The following CDK2AP1 variants were observed in gnomAD, a reference collection of about 807,000 sequenced individuals.
CDK2AP1 encodes the protein cyclin-dependent kinase 2-associated protein 1.
A neutral mutation model predicts 14.1 loss-of-function variants in CDK2AP1; 10 were observed. The ratio of observed to expected loss-of-function variants is 0.71; its 90% CI spans 0.44 to 1.20. The LOEUF (loss-of-function observed/expected upper bound fraction) is 1.20, where lower values mean the gene tolerates loss of function less well. Among genes scored for constraint, CDK2AP1 ranks in the 50% most tolerant of loss-of-function variants. The pLI is 0.00. For missense variants in CDK2AP1, 102 were observed against 149.9 expected, an observed-to-expected ratio of 0.68 and a Z score of 1.67; for synonymous variants, 59 against 59.8, an observed-to-expected ratio of 0.99 and a Z score of 0.06.
At chr12:123,271,529 C>T (rs1168588725) in intron 1 of CDK2AP1, 35 bp downstream of exon 1, 2 of 992,558 alleles carry the variant, frequency 2.0e-6, no homozygotes, top group African/African-American at 3.5e-5. Context: ...CCCAACTTGG[C>T]GGCGCTTGGG....
Position 123,261,634 on chromosome 12 carries a change from C to A in CDK2AP1, c.*102G>T. 1 of 979,274 alleles carries A rather than the reference C, an allele frequency of 1.0e-6. No individual in the cohort carries two copies. The highest frequency in any genetic ancestry group is 1.6e-6 in the Non-Finnish European group (1 of 618,528). 60.7% of individuals were successfully genotyped at this position (979,274 alleles called of 1,614,324 possible). ...GTGAACCATGGGAGGAAAAACGAAACTGTAACCATTTTGAAAACAAGGGTT... is the reference window on the plus strand; with the variant it reads ...GTGAACCATGGGAGGAAAAACGAAAATGTAACCATTTTGAAAACAAGGGTT... On this transcript the variant is annotated 3_prime_UTR_variant, in exon 4 of 4. Coordinates refer to ENST00000261692, the MANE Select transcript of CDK2AP1 (RefSeq NM_004642.4).
Position 123,271,808 on chromosome 12 carries a change from G to T in CDK2AP1, c.-190C>A, listed in dbSNP as rs934772982. The stretch of plus-strand genomic sequence containing the variant: ...TGGCCGTCCGCGCCCTGCCGCCGCC[G>T]CAGTCTCACCCAGGCCCCGGGTGCG... On this transcript the variant is annotated 5_prime_UTR_variant, in exon 1 of 4. Coordinates refer to ENST00000261692, the MANE Select transcript of CDK2AP1 (RefSeq NM_004642.4). The T allele has an allele frequency of 6.8e-6, 1 of 147,034 alleles. No individual in the cohort carries two copies. Among genetic ancestry groups the T allele is most frequent in the African/African-American group, 2.4e-5 (1 of 40,842 alleles). The allele number at this position is 147,034 out of a possible 1,614,324, so 9.1% of individuals were successfully genotyped here.
In CDK2AP1 at chr12:123,265,764, A is replaced by T. The variant is rs1436226579; in HGVS notation, c.154-442T>A. Among the ~76,000 whole-genome samples the T allele has an allele frequency of 6.6e-6, 1 of 152,140 alleles. No homozygotes were observed. The highest frequency in any genetic ancestry group is 2.1e-4 in the South Asian group (1 of 4,826). On this transcript the variant is annotated intron_variant, in intron 2 of 3. Transcript: ENST00000261692. The surrounding 1 kb of genome is among the most constrained non-coding windows in gnomAD (Gnocchi z 5.3). ...GCAACTTTATTATCTCCAATGAACA[A>T]AACAGGGGAAACAGCTCATTTTGGC...
chr12:123,267,808 C>T (rs1022725552), intron 1 of CDK2AP1: 1 of 156,548 alleles, frequency 6.4e-6, no homozygotes, highest in African/African-American at 2.4e-5. Context: ...GCACGCTGGA[C>T]ATCAAATCAG....
chr12:123,266,156 C>A (rs143716390), intron 2 of CDK2AP1, among the ~76,000 whole-genome samples: 2 of 152,220 alleles, frequency 1.3e-5, no homozygotes, highest in East Asian at 1.9e-4. Flanking sequence ...TTGCCTCCCC[C>A]CTCCTCCACC....
At position 123,267,299 on chromosome 12, in the gene CDK2AP1, G is replaced by GA. The variant is rs754358425; in HGVS notation, c.56-18dup. The GA allele has an allele frequency of 6.6e-7, 1 of 1,509,406 alleles. No homozygotes were observed. The highest frequency in any genetic ancestry group is 1.7e-5 in the Admixed American group (1 of 59,844). 93.5% of individuals were successfully genotyped at this position (1,509,406 alleles called of 1,614,324 possible). On this transcript the variant is annotated splice_polypyrimidine_tract_variant and intron_variant, in intron 1 of 3. Coordinates refer to ENST00000261692, the MANE Select transcript of CDK2AP1 (RefSeq NM_004642.4). The stretch of plus-strand genomic sequence containing the variant: ...CACTCCCAGCTGTGGGGTGGGGAGA[G>GA]AGAGGCCAGGAGTCAGCTCAGCCAG...
intron 2 of CDK2AP1, among the ~76,000 whole-genome samples, chr12:123,266,648 G>C (rs562509646): frequency 6.6e-6 from 1 of 152,332 alleles, no homozygotes; most frequent in South Asian, 2.1e-4. Context: ...AGGAGCCCGG[G>C]TCTTGGGCAG....
At chr12:123,262,968 CT>C (rs1218284247) in intron 3 of CDK2AP1, among the ~76,000 whole-genome samples, 1 of 151,942 alleles carries the variant, frequency 6.6e-6, no homozygotes, top group African/African-American at 2.4e-5. Flanking sequence ...AATCCCAGCA[CT>C]TTCGGAGGCC....
intron 1 of CDK2AP1, among the ~76,000 whole-genome samples, chr12:123,269,695 G>T (rs2048335915): frequency 1.3e-5 from 2 of 152,224 alleles, no homozygotes; most frequent in Admixed American, 1.3e-4. Flanking sequence ...GGGCGGGGGA[G>T]GCGGGGGCTT....
chr12:123,270,818 T>C lies in CDK2AP1; in HGVS notation c.55+746A>G, dbSNP rs1486115228. 6.1e-6 allele frequency: 6 copies of C among 984,524 alleles called. No individual in the cohort carries two copies. In the South Asian group the frequency reaches 2.4e-4, roughly 39 times the overall value. The allele number at this position is 984,524 out of a possible 1,614,324, so 61.0% of individuals were successfully genotyped here. On this transcript the variant is annotated intron_variant, in intron 1 of 3. Transcript: ENST00000261692. Reference sequence around the variant, plus strand: ...CAGATGGGGCGTCCACGTGACCCACTGCCCCCACGCCCGCGCGCGGGCCCC... The same window carrying C: ...CAGATGGGGCGTCCACGTGACCCACCGCCCCCACGCCCGCGCGCGGGCCCC...
chr12:123,267,230 G>A lies in CDK2AP1; in HGVS notation c.108C>T (p.Arg36=). The A allele has an allele frequency of 6.2e-7, 1 of 1,613,494 alleles. No individual in the cohort carries two copies. Among genetic ancestry groups the A allele is most frequent in the South Asian group, 1.1e-5 (1 of 91,070 alleles). ...GTGGCCCGTAGTCACTGAGCAGCTG[G>A]CGGTACTGTGAAGACGTTGCCATGC... ...STSMATSSQY[R]QLLSDYGPPS... Residue 36 remains arginine (R), a synonymous_variant, in exon 2 of 4, where the codon CGC becomes CGT. Coordinates refer to ENST00000261692, the MANE Select transcript of CDK2AP1 (RefSeq NM_004642.4).
At chr12:123,270,822 C>T (rs1231789424) in intron 1 of CDK2AP1, 2 of 985,190 alleles carry the variant, frequency 2.0e-6, no homozygotes, top group East Asian at 2.3e-4. Context: ...ACCCACTGCC[C>T]CCACGCCCGC....
Position 123,264,462 on chromosome 12 carries a change from C to CAAA in CDK2AP1, c.280+731_280+733dup, listed in dbSNP as rs1167157405. 9.9e-3 allele frequency among the ~76,000 whole-genome samples: 688 copies of CAAA among 69,782 alleles called. 20 individuals carry two copies. The highest frequency in any genetic ancestry group is 0.022 in the African/African-American group (300 of 13,870). The allele number at this position is 69,782 out of a possible 152,430, so 45.8% of individuals were successfully genotyped here. A position where few individuals can be genotyped will look rare whatever the true frequency, so the allele number is the denominator to read the frequency against. On this transcript the variant is annotated intron_variant, in intron 3 of 3. Transcript: ENST00000261692. Reference sequence around the variant, plus strand: ...GCAACAAGAGTAAAACTCCGTCTCCCAAAAAAAAAAAAAAAAAAAAAAAAA... The same window carrying CAAA: ...GCAACAAGAGTAAAACTCCGTCTCCCAAAAAAAAAAAAAAAAAAAAAAAAAAAA...
Position 123,265,573 on chromosome 12 carries a change from C to T in CDK2AP1, c.154-251G>A, listed in dbSNP as rs998158885. Among the ~76,000 whole-genome samples the T allele has an allele frequency of 6.6e-6, 1 of 151,796 alleles. No homozygotes were observed. Among genetic ancestry groups the T allele is most frequent in the Non-Finnish European group, 1.5e-5 (1 of 67,940 alleles). On this transcript the variant is annotated intron_variant, in intron 2 of 3. Transcript: ENST00000261692. The surrounding 1 kb of genome is among the most constrained non-coding windows in gnomAD (Gnocchi z 5.3). ...ACAGGCAGGTGGGTGGAGAGGGCCCCGGGCCGGTCAGGATAGGGAACGCAG... is the reference window on the plus strand; with the variant it reads ...ACAGGCAGGTGGGTGGAGAGGGCCCTGGGCCGGTCAGGATAGGGAACGCAG...
chr12:123,266,278 G>A (rs553037918), intron 2 of CDK2AP1, among the ~76,000 whole-genome samples: 89 of 152,320 alleles, frequency 5.8e-4, no homozygotes, highest in African/African-American at 2.0e-3. Context: ...CTGTCCTGGC[G>A]CCGCCGTCGC....
chr12:123,267,149 G>A (rs1159133159), intron 2 of CDK2AP1, 36 bp downstream of exon 2: 7 of 1,169,486 alleles, frequency 6.0e-6, no homozygotes, highest in Non-Finnish European at 9.0e-6. Context: ...GTCTCCCCCT[G>A]GCCCTCCCAC....
Position 123,271,590 on chromosome 12 carries a change from T to C in CDK2AP1, c.29A>G (p.His10Arg). The change falls in exon 1 of 4, where the codon CAC (histidine) becomes CGC (arginine). Residue 10 changes from histidine (H) to arginine (R), a missense_variant. Coordinates refer to ENST00000261692, the MANE Select transcript of CDK2AP1 (RefSeq NM_004642.4). Reference protein sequence around the residue: MSYKPNLAAHMPAAALNAAG... With the variant: MSYKPNLAARMPAAALNAAG... ...GGCGTTGAGGGCGGCGGCGGGCATGTGCGCGGCCAAGTTCGGTTTGTAAGA... is the reference window on the plus strand; with the variant it reads ...GGCGTTGAGGGCGGCGGCGGGCATGCGCGCGGCCAAGTTCGGTTTGTAAGA... The C allele has an allele frequency of 9.9e-7, 1 of 1,008,694 alleles. No homozygotes were observed. Among genetic ancestry groups the C allele is most frequent in the Non-Finnish European group, 1.2e-6 (1 of 845,962 alleles). 62.5% of individuals were successfully genotyped at this position (1,008,694 alleles called of 1,614,324 possible). A position where few individuals can be genotyped will look rare whatever the true frequency, so the allele number is the denominator to read the frequency against.
upstream of CDK2AP1, chr12:123,272,225 GC>G (rs1000471572): frequency 6.6e-6 from 1 of 152,174 alleles, no homozygotes; most frequent in African/African-American, 2.4e-5. Flanking sequence ...GTCTGGCCAA[GC>G]CCCAGGATTA....
At chr12:123,271,214 G>C (rs1218671015) in intron 1 of CDK2AP1, 2 of 161,580 alleles carry the variant, frequency 1.2e-5, no homozygotes, top group African/African-American at 2.4e-5. Context: ...CGCCGGCAGG[G>C]GCCCTCGCCG....
Sources: gnomAD v4.1 joint callset for allele counts (sites outside exome capture counted in the v4.1 genomes callset) on GRCh38, gnomAD v4.1.1 for gene constraint, Gnocchi (gnomAD v3.1) non-coding constraint, MANE v1.5 for transcripts, NCBI Gene and HGNC (gene_info 2026-07-23, HGNC 2026-07-21) for gene names.